ZC3H14: variants seen among roughly 807,000 people sequenced by gnomAD.
The protein encoded by ZC3H14 is zinc finger CCCH-type containing 14.
ZC3H14 carries 31 observed loss-of-function variants against 92.4 expected under a neutral mutation model. The observed-to-expected ratio is 0.34, with a 90% confidence interval of 0.25 to 0.45. ZC3H14 has a LOEUF of 0.45. ZC3H14 is among the 20% of genes least tolerant of loss of function. The pLI is 1.00. For synonymous variants in ZC3H14, 321 were observed against 300.9 expected (o/e 1.07, Z -0.69); for missense variants, 781 against 897.3 (o/e 0.87, Z 1.66).
chr14:88,574,797 G>T lies in ZC3H14; in HGVS notation c.966G>T (p.Gly322=). Residue 322 remains glycine (G), a synonymous_variant, in exon 7 of 17, where the codon GGG becomes GGT. Coordinates refer to ENST00000251038, the MANE Select transcript of ZC3H14 (RefSeq NM_024824.5). ...AGGAGGAAGAAGATGATGATTACGG[G>T]TCTCGAACAGGAAGCATCTCCAGCA... ...GEEEEEDDDY[G]SRTGSISSSV... is the part of the protein sequence containing the mutation. 1 of 1,614,156 alleles carries T rather than the reference G, an allele frequency of 6.2e-7. No individual in the cohort carries two copies. Among genetic ancestry groups the T allele is most frequent in the African/African-American group, 1.3e-5 (1 of 75,040 alleles).
intron 9 of ZC3H14, among the ~76,000 whole-genome samples, chr14:88,579,223 T>C (rs2081578825): frequency 6.6e-6 from 1 of 152,218 alleles, no homozygotes; most frequent in Non-Finnish European, 1.5e-5. Context: ...TTGTCAATTC[T>C]GTATTTGTTT....
intron 9 of ZC3H14, among the ~76,000 whole-genome samples, chr14:88,583,134 T>A (rs2082108595): frequency 6.6e-6 from 1 of 151,418 alleles, no homozygotes; most frequent in Non-Finnish European, 1.5e-5. Flanking sequence ...GTGCTTTTTT[T>A]TTATTTTTTT....
chr14:88,582,092 A>C (rs1487254105), intron 9 of ZC3H14, among the ~76,000 whole-genome samples: 1 of 152,232 alleles, frequency 6.6e-6, no homozygotes. Context: ...TGCATAGCCT[A>C]AAATAGCCTA....
In ZC3H14 at chr14:88,615,566, T is replaced by C. The variant is rs2087465581; in HGVS notation, c.*3815T>C. The C allele has an allele frequency of 2.3e-6, 1 of 426,792 alleles. No homozygotes were observed. The allele number at this position is 426,792 out of a possible 1,614,324, so 26.4% of individuals were successfully genotyped here. A position where few individuals can be genotyped will look rare whatever the true frequency, so the allele number is the denominator to read the frequency against. On this transcript the variant is annotated 3_prime_UTR_variant, in exon 17 of 17. Coordinates refer to ENST00000251038, the MANE Select transcript of ZC3H14 (RefSeq NM_024824.5). Reference sequence around the variant, plus strand: ...ACACACTTCCCAATACAGGGGGACTTGGCCTTTACCATCAAGTATTCGATC... The same window carrying C: ...ACACACTTCCCAATACAGGGGGACTCGGCCTTTACCATCAAGTATTCGATC...
At chr14:88,599,233 T>C (rs932168445) in intron 10 of ZC3H14, among the ~76,000 whole-genome samples, 4 of 152,382 alleles carry the variant, frequency 2.6e-5, no homozygotes, top group African/African-American at 2.4e-5. Flanking sequence ...TTGGAGAATC[T>C]TGTGGTCTGA....
chr14:88,565,599 GGGGT>G (rs1566877862), intron 2 of ZC3H14, among the ~76,000 whole-genome samples: 2 of 152,110 alleles, frequency 1.3e-5, no homozygotes, highest in Non-Finnish European at 2.9e-5. Flanking sequence ...TTTAAACTCT[GGGGT>G]GGGTCAGTGG....
In ZC3H14 at chr14:88,563,270, G is replaced by A. The variant is rs929676555; in HGVS notation, c.36+101G>A. 10 of 1,540,548 alleles carry A rather than the reference G, an allele frequency of 6.5e-6. No homozygotes were observed. In the African/African-American group the frequency reaches 1.2e-4, roughly 19 times the overall value. ...GGGCCCGGGTGGACGCCGCGGCCTG[G>A]CCTCCGCTGGACGCTCCTGGCGGGC... On this transcript the variant is annotated intron_variant, in intron 1 of 16. Transcript: ENST00000251038.
chr14:88,592,848 C>A (rs1312645041), intron 9 of ZC3H14, among the ~76,000 whole-genome samples: 1 of 152,142 alleles, frequency 6.6e-6, no homozygotes, highest in African/African-American at 2.4e-5. Context: ...TACCAACTTG[C>A]ATCCTTGTAT....
intron 12 of ZC3H14, among the ~76,000 whole-genome samples, chr14:88,606,380 C>T (rs1442116009): frequency 6.6e-6 from 1 of 152,192 alleles, no homozygotes; most frequent in Non-Finnish European, 1.5e-5. Context: ...CATTTATCAT[C>T]TTCAGCCCAG....
Position 88,614,810 on chromosome 14 carries a change from C to T in ZC3H14, c.*3059C>T, listed in dbSNP as rs1567005630. ...AAGTTTTTACAAATGGAGTTGGGCT[C>T]ATTCATTTTGGAAATAAACCTATGG... On this transcript the variant is annotated 3_prime_UTR_variant, in exon 17 of 17. Transcript: ENST00000251038. The T allele has an allele frequency of 1.3e-5, 2 of 152,074 alleles. No individual in the cohort carries two copies. The highest frequency in any genetic ancestry group is 2.9e-5 in the Non-Finnish European group (2 of 67,998). 9.4% of individuals were successfully genotyped at this position (152,074 alleles called of 1,614,324 possible). A position where few individuals can be genotyped will look rare whatever the true frequency, so the allele number is the denominator to read the frequency against.
In ZC3H14 at chr14:88,594,426, A is replaced by G. The variant is rs934133302; in HGVS notation, c.1280-2308A>G. 5.0e-6 allele frequency: 6 copies of G among 1,189,630 alleles called. No individual in the cohort carries two copies. The African/African-American group carries it at 9.4e-5, about 19-fold the overall frequency. The allele number at this position is 1,189,630 out of a possible 1,614,324, so 73.7% of individuals were successfully genotyped here. ...GTTTACTGGAAGAGGAGCTATACAG[A>G]TGGTACTTAGAGGATGTAGGGCCCT... is the stretch of plus-strand genomic sequence containing the variant. On this transcript the variant is annotated intron_variant, in intron 9 of 16. Transcript: ENST00000251038.
Position 88,624,910 on chromosome 14 carries a change from C to T in ZC3H14, c.*13159C>T, listed in dbSNP as rs1383340288. The T allele has an allele frequency of 6.3e-7, 1 of 1,577,444 alleles. No individual in the cohort carries two copies. The highest frequency in any genetic ancestry group is 8.6e-7 in the Non-Finnish European group (1 of 1,160,810). ...GCCTAGAAACAACTAGAATAATTAACTGCAAACCTCAGGTAGGTCACAAAT... is the reference window on the plus strand; with the variant it reads ...GCCTAGAAACAACTAGAATAATTAATTGCAAACCTCAGGTAGGTCACAAAT... On this transcript the variant is annotated 3_prime_UTR_variant, in exon 17 of 17. Coordinates refer to ENST00000251038, the MANE Select transcript of ZC3H14 (RefSeq NM_024824.5).
chr14:88,627,372 T>C lies in ZC3H14; in HGVS notation c.*15621T>C, dbSNP rs114210828. ...TCTCCAAAACCAATCAAATCATTAATAATAAATACATAGTTTCTTGCTGGA... is the reference window on the plus strand; with the variant it reads ...TCTCCAAAACCAATCAAATCATTAACAATAAATACATAGTTTCTTGCTGGA... On this transcript the variant is annotated 3_prime_UTR_variant, in exon 17 of 17. Transcript: ENST00000251038. 3.1e-3 allele frequency: 1,482 copies of C among 471,588 alleles called. 18 individuals carry two copies. The highest frequency in any genetic ancestry group is 0.026 in the African/African-American group (1,345 of 51,414). 29.2% of individuals were successfully genotyped at this position (471,588 alleles called of 1,614,324 possible). A position where few individuals can be genotyped will look rare whatever the true frequency, so the allele number is the denominator to read the frequency against.
intron 6 of ZC3H14, among the ~76,000 whole-genome samples, chr14:88,573,210 C>T (rs1266732220): frequency 6.6e-6 from 1 of 151,818 alleles, no homozygotes; most frequent in Non-Finnish European, 1.5e-5. Context: ...GAAACCCCGT[C>T]TCTACTAAAA....
rs1332782779 is a variant in ZC3H14, at chr14:88,617,514, A to G, written c.*5763A>G. On this transcript the variant is annotated 3_prime_UTR_variant, in exon 17 of 17. Transcript: ENST00000251038. ...CTGGGTCCAGCAGCACATACCAGTA[A>G]TCCCAACATTTTGGGAGGCTGAGGC... 6.6e-6 allele frequency: 1 copy of G among 152,316 alleles called. No individual in the cohort carries two copies. The highest frequency in any genetic ancestry group is 1.5e-5 in the Non-Finnish European group (1 of 68,162). 9.4% of individuals were successfully genotyped at this position (152,316 alleles called of 1,614,324 possible).
intron 4 of ZC3H14, 138 bp downstream of exon 4, chr14:88,571,262 T>C (rs2080352913): frequency 1.5e-6 from 1 of 653,122 alleles, no homozygotes; most frequent in Non-Finnish European, 2.5e-6. Context: ...GCACATACTT[T>C]TATGAACTTA....
Position 88,572,607 on chromosome 14 carries a change from G to T in ZC3H14, c.461G>T (p.Arg154Leu), listed in dbSNP as rs1313869163. The T allele has an allele frequency of 6.2e-7, 1 of 1,614,060 alleles. No individual in the cohort carries two copies. Among genetic ancestry groups the T allele is most frequent in the Admixed American group, 1.7e-5 (1 of 60,002 alleles). Residue 154 changes from arginine to leucine, a missense_variant, in exon 6 of 17, where the codon CGA becomes CTA. This residue lies in a region of ZC3H14 where 454 missense variants were observed against 438.5 expected (regional missense o/e 1.04). Transcript: ENST00000251038. Reference protein sequence around the residue: ...RQTYDDGAATRLMSTVKPLRE... With the variant: ...RQTYDDGAATLLMSTVKPLRE... Reference sequence around the variant, plus strand: ...ACTTACGATGATGGAGCTGCAACCCGACTAATGTCAACAGTGAAACCTTTG... The same window carrying T: ...ACTTACGATGATGGAGCTGCAACCCTACTAATGTCAACAGTGAAACCTTTG...
intron 2 of ZC3H14, among the ~76,000 whole-genome samples, chr14:88,564,774 T>G (rs944703608): frequency 6.6e-6 from 1 of 152,204 alleles, no homozygotes; most frequent in Non-Finnish European, 1.5e-5. Context: ...TACAAAATAT[T>G]TTTTATCTTC....
Position 88,618,544 on chromosome 14 carries a change from T to C in ZC3H14, c.*6793T>C. The C allele has an allele frequency of 1.5e-6, 2 of 1,338,852 alleles. No homozygotes were observed. The highest frequency in any genetic ancestry group is 2.5e-5 in the East Asian group (1 of 40,244). 82.9% of individuals were successfully genotyped at this position (1,338,852 alleles called of 1,614,324 possible). A position where few individuals can be genotyped will look rare whatever the true frequency, so the allele number is the denominator to read the frequency against. On this transcript the variant is annotated 3_prime_UTR_variant, in exon 17 of 17. Coordinates refer to ENST00000251038, the MANE Select transcript of ZC3H14 (RefSeq NM_024824.5). ...AGGTCAGAAGGTACAAAGGGAGGAG[T>C]TGAGAAGCTGGAGCTCTGGAGCTCA...
Sources: allele counts gnomAD v4.1 joint callset (sites outside exome capture counted in the v4.1 genomes callset), GRCh38; gene constraint gnomAD v4.1.1; regional missense constraint gnomAD v4.1.1; transcripts MANE v1.5; gene names NCBI Gene and HGNC (gene_info 2026-07-23, HGNC 2026-07-21).